The following STOM variants were observed in gnomAD, a reference collection of about 807,000 sequenced individuals.
STOM encodes the protein erythrocyte band 7 integral membrane protein.
Under a neutral mutation model 30.6 loss-of-function variants are expected in STOM, and 25 were observed. The observed-to-expected ratio is 0.82, with a 90% CI of 0.60 to 1.14. The LOEUF is 1.14. Ranked by LOEUF, STOM falls within the 50% of genes most tolerant of loss-of-function variation. The pLI, the probability that STOM is intolerant of heterozygous loss-of-function variation, is 0.00. For synonymous variants in STOM, 118 were observed against 130.8 expected, an observed-to-expected ratio of 0.90 and a Z score of 0.67; for missense variants, 292 against 365.2, an observed-to-expected ratio of 0.80 and a Z score of 1.63.
At chr9:121,348,568 T>C (rs1374219157) in intron 5 of STOM, among the ~76,000 whole-genome samples, 1 of 152,234 alleles carries the variant, frequency 6.6e-6, no homozygotes, top group African/African-American at 2.4e-5. Context: ...ATATTACTCC[T>C]TTGTGCTTCA....
At position 121,354,661 on chromosome 9, in the gene STOM, ACT is replaced by A. The variant is rs1454467075; in HGVS notation, c.176_177del (p.Glu59ValfsTer2). On this transcript the variant is annotated frameshift_variant, in exon 3 of 7. Transcript: ENST00000286713. LOFTEE classifies it high-confidence loss of function. ...SIWMCIKIIKEYERAIIFRLG... is the reference protein window; with the variant it reads ...SIWMCIKIIKXYERAIIFRLG... ...AATCTAAAGATGATGGCTCTTTCATACTCTTTTATAATCTAGAATAAAAACAT... is the reference window on the plus strand; with the variant it reads ...AATCTAAAGATGATGGCTCTTTCATACTTTTATAATCTAGAATAAAAACAT... The A allele has an allele frequency of 3.1e-6, 5 of 1,608,842 alleles. No individual in the cohort carries two copies. Among genetic ancestry groups the A allele is most frequent in the Non-Finnish European group, 4.2e-6 (5 of 1,176,858 alleles).
Position 121,357,423 on chromosome 9 carries a change from T to TTATATATATATATATATA in STOM, c.62-1268_62-1267insTATATATATATATATATA, listed in dbSNP as rs1564631252. Among the ~76,000 whole-genome samples the TTATATATATATATATATA allele has an allele frequency of 5.9e-5, 4 of 68,220 alleles. No individual in the cohort carries two copies. The East Asian group carries it at 5.3e-3, about 90-fold the overall frequency. The allele number at this position is 68,220 out of a possible 152,430, so 44.8% of individuals were successfully genotyped here. A position where few individuals can be genotyped will look rare whatever the true frequency, so the allele number is the denominator to read the frequency against. On this transcript the variant is annotated intron_variant, in intron 1 of 6. Transcript: ENST00000286713. ...CTAGTGTACACACCATATTTTTAAA[T>TTATATATATATATATATA]GATATATATATATATATTTATTTAT...
rs1156937416 is a variant in STOM, at chr9:121,357,424, G to GATATAT, written c.62-1274_62-1269dup. Among the ~76,000 whole-genome samples the GATATAT allele has an allele frequency of 3.1e-4, 30 of 95,428 alleles. 2 individuals carry two copies. The highest frequency in any genetic ancestry group is 5.1e-4 in the Admixed American group (4 of 7,792). 62.6% of individuals were successfully genotyped at this position (95,428 alleles called of 152,430 possible). A position where few individuals can be genotyped will look rare whatever the true frequency, so the allele number is the denominator to read the frequency against. ...TAGTGTACACACCATATTTTTAAAT[G>GATATAT]ATATATATATATATATTTATTTATT... is the stretch of plus-strand genomic sequence containing the variant. On this transcript the variant is annotated intron_variant, in intron 1 of 6. Transcript: ENST00000286713.
chr9:121,352,347 G>C (rs1005220172), intron 4 of STOM, among the ~76,000 whole-genome samples: 2 of 151,942 alleles, frequency 1.3e-5, no homozygotes, highest in African/African-American at 4.8e-5. Flanking sequence ...TTGATCCATG[G>C]AGCCAACCGT....
intron 1 of STOM, 55 bp from the exon 2 acceptor site, chr9:121,356,211 C>T: frequency 6.3e-6 from 9 of 1,426,946 alleles, no homozygotes; most frequent in Non-Finnish European, 8.8e-6. Context: ...ATAATCACCA[C>T]CATCTTCATC....
intron 1 of STOM, 185 bp downstream of exon 1, chr9:121,369,942 T>C: frequency 1.8e-6 from 1 of 556,204 alleles, no homozygotes; most frequent in Non-Finnish European, 3.2e-6. Flanking sequence ...CACCCCTCCA[T>C]CGTGACCTCA....
At position 121,339,684 on chromosome 9, in the gene STOM, T is replaced by G; in HGVS notation, c.*1518A>C. On this transcript the variant is annotated 3_prime_UTR_variant, in exon 7 of 7. Coordinates refer to ENST00000286713, the MANE Select transcript of STOM (RefSeq NM_004099.6). ...CCAGCTTTCTGGCCAGTAAGCAGAA[T>G]GCCAGGTTGCTCAGATTCACAGACA... The G allele has an allele frequency of 8.1e-6, 10 of 1,231,606 alleles. No individual in the cohort carries two copies. Among genetic ancestry groups the G allele is most frequent in the Non-Finnish European group, 1.0e-5 (10 of 987,876 alleles). 76.3% of individuals were successfully genotyped at this position (1,231,606 alleles called of 1,614,324 possible). A position where few individuals can be genotyped will look rare whatever the true frequency, so the allele number is the denominator to read the frequency against.
chr9:121,351,907 G>T (rs1046447487), intron 4 of STOM, among the ~76,000 whole-genome samples: 1 of 151,804 alleles, frequency 6.6e-6, no homozygotes, highest in Non-Finnish European at 1.5e-5. Context: ...CTAATTCTTT[G>T]GTTTCTAACC....
At position 121,356,037 on chromosome 9, in the gene STOM, A is replaced by T; in HGVS notation, c.165+16T>A. 1 of 1,610,268 alleles carries T rather than the reference A, an allele frequency of 6.2e-7. No homozygotes were observed. Among genetic ancestry groups the T allele is most frequent in the Non-Finnish European group, 8.5e-7 (1 of 1,176,906 alleles). Reference sequence around the variant, plus strand: ...GGAGTTGACCCCTTCCCAGAAGTGAATGAAATGTTCTTTACCTTTATGCAC... The same window carrying T: ...GGAGTTGACCCCTTCCCAGAAGTGATTGAAATGTTCTTTACCTTTATGCAC... On this transcript the variant is annotated intron_variant, in intron 2 of 6. Transcript: ENST00000286713.
In STOM at chr9:121,360,924, TAATC is replaced by T. The variant is rs1318618779; in HGVS notation, c.62-4772_62-4769del. ...CACATATCAAATGCTTGGCTAGAAA[TAATC>T]AGTGTATACACTGGGAAAATGGCAC... On this transcript the variant is annotated intron_variant, in intron 1 of 6. Transcript: ENST00000286713. Among the ~76,000 whole-genome samples the T allele has an allele frequency of 3.9e-5, 6 of 152,304 alleles. No individual in the cohort carries two copies. In the East Asian group the frequency reaches 1.2e-3, roughly 29 times the overall value.
chr9:121,362,093 A>C (rs2064458835), intron 1 of STOM, among the ~76,000 whole-genome samples: 1 of 152,188 alleles, frequency 6.6e-6, no homozygotes, highest in Non-Finnish European at 1.5e-5. Context: ...TAATCAAAGA[A>C]GGGTCTGAAT....
At chr9:121,353,104 C>A in intron 4 of STOM, 116 bp downstream of exon 4, 1 of 477,014 alleles carries the variant, frequency 2.1e-6, no homozygotes, top group Non-Finnish European at 3.4e-6. Flanking sequence ...AACAAACAAA[C>A]AAACAAACAA....
At chr9:121,357,575 G>T (rs956847962) in intron 1 of STOM, among the ~76,000 whole-genome samples, 3 of 151,546 alleles carry the variant, frequency 2.0e-5, no homozygotes, top group African/African-American at 7.3e-5. Flanking sequence ...GAGTAGCTGG[G>T]ATTACAGCCA....
In STOM at chr9:121,355,974, A is replaced by G. The variant is rs1589293755; in HGVS notation, c.165+79T>C. 14 of 1,003,546 alleles carry G rather than the reference A, an allele frequency of 1.4e-5. No individual in the cohort carries two copies. The East Asian group carries it at 3.6e-4, about 26-fold the overall frequency. The allele number at this position is 1,003,546 out of a possible 1,614,324, so 62.2% of individuals were successfully genotyped here. On this transcript the variant is annotated intron_variant, in intron 2 of 6. Transcript: ENST00000286713. ...GAGAGACAGTCTGTTTCTTTCTCAC[A>G]TACACACAGGCACACACGAAGTAGG...
chr9:121,352,774 G>C (rs2064350122), intron 4 of STOM, among the ~76,000 whole-genome samples: 1 of 152,188 alleles, frequency 6.6e-6, no homozygotes, highest in Admixed American at 6.5e-5. Context: ...CACTGAGCTA[G>C]AAATGCTGAA....
chr9:121,360,699 G>T (rs142772195), intron 1 of STOM, among the ~76,000 whole-genome samples: 8 of 152,290 alleles, frequency 5.3e-5, no homozygotes, highest in African/African-American at 1.9e-4. Context: ...CCCCAGTCTG[G>T]CTAGGCTGGG....
At chr9:121,354,810 A>T (rs920157874) in intron 2 of STOM, 137 bp from the exon 3 acceptor site, 2 of 582,742 alleles carry the variant, frequency 3.4e-6, no homozygotes, top group Non-Finnish European at 5.8e-6. Context: ...ATATCTATAA[A>T]TCACATGTCC....
intron 6 of STOM, among the ~76,000 whole-genome samples, chr9:121,347,016 G>A (rs995903158): frequency 6.6e-6 from 1 of 152,174 alleles, no homozygotes; most frequent in African/African-American, 2.4e-5. Context: ...CCATTCACAG[G>A]CATAGGGCTG....
Position 121,339,733 on chromosome 9 carries a change from T to C in STOM, c.*1469A>G. On this transcript the variant is annotated 3_prime_UTR_variant, in exon 7 of 7. Coordinates refer to ENST00000286713, the MANE Select transcript of STOM (RefSeq NM_004099.6). ...CATTTGCAAAACAGAAGATGTCTCCTAATATTATAGACTAAGAATTTGTTG... is the reference window on the plus strand; with the variant it reads ...CATTTGCAAAACAGAAGATGTCTCCCAATATTATAGACTAAGAATTTGTTG... 1.6e-6 allele frequency: 2 copies of C among 1,229,612 alleles called. No homozygotes were observed. Among genetic ancestry groups the C allele is most frequent in the Non-Finnish European group, 2.0e-6 (2 of 986,832 alleles). 76.2% of individuals were successfully genotyped at this position (1,229,612 alleles called of 1,614,324 possible).
Sources: allele counts gnomAD v4.1 joint callset (sites outside exome capture counted in the v4.1 genomes callset), GRCh38; gene constraint gnomAD v4.1.1; transcripts MANE v1.5; gene names NCBI Gene and HGNC (gene_info 2026-07-23, HGNC 2026-07-21).